Variants in PSPC1 observed in about 807,000 individuals in gnomAD.
PSPC1 encodes the protein paraspeckle protein 1.
A neutral mutation model predicts 51.6 loss-of-function variants in PSPC1; 14 were observed. That is an observed-to-expected ratio of 0.27 (90% CI 0.18 to 0.42). The LOEUF (loss-of-function observed/expected upper bound fraction) is 0.42. Ranked by LOEUF, PSPC1 falls within the 10% of genes least tolerant of loss-of-function variation. PSPC1 has a pLI of 1.00. For synonymous variants in PSPC1, 193 were observed against 231.9 expected, an observed-to-expected ratio of 0.83 and a Z score of 1.53; for missense variants, 406 against 701.1, an observed-to-expected ratio of 0.58 and a Z score of 4.75.
chr13:19,740,205 T>C (rs1201127606), intron 5 of PSPC1, among the ~76,000 whole-genome samples: 2 of 151,956 alleles, frequency 1.3e-5, no homozygotes, highest in Non-Finnish European at 2.9e-5. Context: ...TAGCCGAGCA[T>C]GGTGGCACAT....
intron 6 of PSPC1, among the ~76,000 whole-genome samples, chr13:19,697,443 C>CA (rs1452588231): frequency 3.3e-5 from 5 of 152,172 alleles, no homozygotes; most frequent in Admixed American, 1.3e-4. Context: ...CCCCTTGATA[C>CA]ATGCTGTTAC....
chr13:19,749,700 G>A (rs368778926), intron 4 of PSPC1, among the ~76,000 whole-genome samples: 1 of 149,366 alleles, frequency 6.7e-6, no homozygotes, highest in Non-Finnish European at 1.5e-5. Context: ...GTGCAGTGGC[G>A]TGATCTCGGC....
downstream of PSPC1, chr13:19,672,271 A>C: frequency 5.8e-6 from 1 of 171,952 alleles, no homozygotes; most frequent in Non-Finnish European, 1.3e-5. Context: ...CAGCCTCCTG[A>C]GTAGCTGGGA....
rs1168386647 is a variant in PSPC1 at position 19,730,946 on chromosome 13, G to GAAAAAAAAA, written c.1053-611_1053-603dup. ...TGGGCAACAGTGAGACCCTGTCTCAGAAAAAAAAAACAAAAAAACAAAAAA... is the reference window on the plus strand; with the variant it reads ...TGGGCAACAGTGAGACCCTGTCTCAGAAAAAAAAAAAAAAAAAAACAAAAAAACAAAAAA... On this transcript the variant is annotated intron_variant, in intron 5 of 8. Coordinates refer to ENST00000338910, the MANE Select transcript of PSPC1 (RefSeq NM_001354909.2). Among the ~76,000 whole-genome samples, 52 of 25,208 alleles carry GAAAAAAAAA rather than the reference G, an allele frequency of 2.1e-3. 2 individuals carry two copies. Among genetic ancestry groups the GAAAAAAAAA allele is most frequent in the Non-Finnish European group, 2.9e-3 (28 of 9,724 alleles). The allele number at this position is 25,208 out of a possible 152,430, so 16.5% of individuals were successfully genotyped here. A position where few individuals can be genotyped will look rare whatever the true frequency, so the allele number is the denominator to read the frequency against.
In PSPC1 at chr13:19,778,421, T is replaced by TCTCATG. The variant is rs1889451061; in HGVS notation, c.372+3959_372+3964dup. ...CCTCTCCCTCTCCCCACGGTCTCCCTCTCATGCGGAGCCGAAGCTGGACTG... is the reference window on the plus strand; with the variant it reads ...CCTCTCCCTCTCCCCACGGTCTCCCTCTCATGCTCATGCGGAGCCGAAGCTGGACTG... On this transcript the variant is annotated intron_variant, in intron 1 of 8. Transcript: ENST00000338910. Among the ~76,000 whole-genome samples, 5 of 77,818 alleles carry TCTCATG rather than the reference T, an allele frequency of 6.4e-5. No individual in the cohort carries two copies. In the South Asian group the frequency reaches 2.7e-3, roughly 43 times the overall value. The allele number at this position is 77,818 out of a possible 152,430, so 51.1% of individuals were successfully genotyped here. A position where few individuals can be genotyped will look rare whatever the true frequency, so the allele number is the denominator to read the frequency against.
intron 6 of PSPC1, among the ~76,000 whole-genome samples, chr13:19,717,810 A>C (rs181011155): frequency 6.6e-6 from 1 of 151,428 alleles, no homozygotes; most frequent in Admixed American, 6.6e-5. Flanking sequence ...CAGGAGACAG[A>C]GTTTGCAGTG....
exon 8 of PSPC1, chr13:19,674,884 A>C (rs1237629440): frequency 6.6e-6 from 1 of 152,212 alleles, no homozygotes; most frequent in Non-Finnish European, 1.5e-5. Context: ...CTTTCTATAG[A>C]CTTCCACTGA....
chr13:19,672,010 TGTA>T (rs1248989916), downstream of PSPC1: 135 of 857,588 alleles, frequency 1.6e-4, no homozygotes, highest in Non-Finnish European at 2.0e-4. Context: ...TGTTGTCTGT[TGTA>T]GTCTGTAAGA....
At chr13:19,701,730 T>C (rs1227391265), downstream of PSPC1, among the ~76,000 whole-genome samples, 6 of 152,208 alleles carry the variant, frequency 3.9e-5, no homozygotes, top group Admixed American at 1.3e-4. Flanking sequence ...CACCACTATT[T>C]ACATAGTGTT....
At chr13:19,777,109 G>GACCTCA in intron 1 of PSPC1, among the ~76,000 whole-genome samples, 1 of 97,950 alleles carries the variant, frequency 1.0e-5, no homozygotes, top group East Asian at 3.6e-4. Context: ...GTGACAGCGA[G>GACCTCA]GCTCCATCTA....
intron 4 of PSPC1, among the ~76,000 whole-genome samples, chr13:19,745,727 C>A (rs917059628): frequency 2.0e-5 from 3 of 150,384 alleles, no homozygotes; most frequent in Admixed American, 6.7e-5. Context: ...TCAAGCAATT[C>A]TCCCGCCTCA....
At chr13:19,730,946 GAAAAAAA>G (rs1168386647) in intron 5 of PSPC1, among the ~76,000 whole-genome samples, 2 of 25,222 alleles carry the variant, frequency 7.9e-5, no homozygotes, top group Non-Finnish European at 2.1e-4. Context: ...CCCTGTCTCA[GAAAAAAA>G]AAACAAAAAA....
rs1186132665 is a variant in PSPC1 at position 19,782,019 on chromosome 13, CCT to C, written c.372+365_372+366del. Among the ~76,000 whole-genome samples the C allele has an allele frequency of 6.6e-6, 1 of 152,234 alleles. No homozygotes were observed. The highest frequency in any genetic ancestry group is 2.4e-5 in the African/African-American group (1 of 41,458). On this transcript the variant is annotated intron_variant, in intron 1 of 8. Transcript: ENST00000338910. This position sits in a 1 kb window ranked among gnomAD's most constrained non-coding sequence, Gnocchi z 4.5. ...TTCTCACCCCAAAACGCTGCCCGCC[CCT>C]GTCCCCGGACCCTTTCGGTACCCGG...
intron 6 of PSPC1, among the ~76,000 whole-genome samples, chr13:19,686,542 C>T (rs566932628): frequency 6.6e-6 from 1 of 152,302 alleles, no homozygotes; most frequent in African/African-American, 2.4e-5. Flanking sequence ...AAATTAGTAA[C>T]AGCGGCTGCC....
intron 2 of PSPC1, among the ~76,000 whole-genome samples, chr13:19,771,502 C>A (rs902333976): frequency 6.6e-6 from 1 of 152,048 alleles, no homozygotes; most frequent in Non-Finnish European, 1.5e-5. Context: ...GTGGCATGAT[C>A]TGGGATCACT....
chr13:19,781,912 T>A (rs1216954742), intron 1 of PSPC1, among the ~76,000 whole-genome samples: 1 of 152,236 alleles, frequency 6.6e-6, no homozygotes, highest in African/African-American at 2.4e-5. Context: ...TCACGACCAG[T>A]GATACGTCTG....
intron 1 of PSPC1, among the ~76,000 whole-genome samples, chr13:19,774,894 G>A (rs1261978000): frequency 6.6e-6 from 1 of 151,560 alleles, no homozygotes; most frequent in Non-Finnish European, 1.5e-5. Flanking sequence ...AAATTGACAG[G>A]CAGGGTAAGG....
chr13:19,747,608 G>T (rs1886126814), intron 4 of PSPC1, among the ~76,000 whole-genome samples: 2 of 152,144 alleles, frequency 1.3e-5, no homozygotes, highest in Admixed American at 1.3e-4. Context: ...TAGAATTACA[G>T]GCATGAGCCA....
chr13:19,671,351 C>A, downstream of PSPC1: 1 of 1,464,578 alleles, frequency 6.8e-7, no homozygotes, highest in South Asian at 1.2e-5. Context: ...ATTACTTTAT[C>A]AACATTAGAA....
Sources: allele counts gnomAD v4.1 joint callset (sites outside exome capture counted in the v4.1 genomes callset), GRCh38; gene constraint gnomAD v4.1.1; non-coding constraint Gnocchi (gnomAD v3.1); transcripts MANE v1.5; gene names NCBI Gene and HGNC (gene_info 2026-07-23, HGNC 2026-07-21).